The following GALNTL6 variants were observed in gnomAD, a reference collection of about 807,000 sequenced individuals.
GALNTL6 encodes polypeptide N-acetylgalactosaminyltransferase like 6.
A neutral mutation model predicts 73.7 loss-of-function variants in GALNTL6; 46 were observed. The observed-to-expected ratio is 0.62, with a 90% CI of 0.49 to 0.80. The LOEUF is 0.80. GALNTL6 is among the 30% of genes least tolerant of loss of function. The probability of loss-of-function intolerance (pLI) is 0.00; values close to 1 mark genes in which losing one functional copy is unlikely to be tolerated. For missense variants in GALNTL6, 604 were observed against 755.0 expected (o/e 0.80, Z 2.34); for synonymous variants, 259 against 263.7 (o/e 0.98, Z 0.17).
chr4:172,480,639 G>C (rs752457025), intron 5 of GALNTL6, among the ~76,000 whole-genome samples: 1 of 152,170 alleles, frequency 6.6e-6, no homozygotes, highest in Non-Finnish European at 1.5e-5. Context: ...CCAAAATCCA[G>C]TGGCTTAAAA....
At chr4:172,559,394 T>G (rs538084520) in intron 5 of GALNTL6, among the ~76,000 whole-genome samples, 1 of 152,266 alleles carries the variant, frequency 6.6e-6, no homozygotes, top group East Asian at 1.9e-4. Flanking sequence ...TAGAATTTTA[T>G]GGATGCCTCT....
At chr4:172,557,439 A>G (rs771427887) in intron 5 of GALNTL6, among the ~76,000 whole-genome samples, 39 of 152,292 alleles carry the variant, frequency 2.6e-4, no homozygotes, top group Admixed American at 1.2e-3. Context: ...AGAAGTTACC[A>G]TTAATAAAAT....
intron 5 of GALNTL6, among the ~76,000 whole-genome samples, chr4:172,727,129 A>C (rs1735862653): frequency 6.6e-6 from 1 of 152,196 alleles, no homozygotes; most frequent in African/African-American, 2.4e-5. Context: ...TTGATAGTAA[A>C]ATTCTTTTCT....
At chr4:172,845,644 A>G (rs962089744) in intron 7 of GALNTL6, among the ~76,000 whole-genome samples, 5 of 152,332 alleles carry the variant, frequency 3.3e-5, no homozygotes, top group East Asian at 1.9e-4. Flanking sequence ...AAGTCTCTAC[A>G]TTGCCTCTTA....
intron 2 of GALNTL6, among the ~76,000 whole-genome samples, chr4:171,995,001 A>C (rs1005377710): frequency 7.2e-5 from 11 of 152,048 alleles, no homozygotes; most frequent in African/African-American, 2.7e-4. Flanking sequence ...AGACATAAAA[A>C]TAAACTCTCT....
intron 7 of GALNTL6, among the ~76,000 whole-genome samples, chr4:172,855,345 A>G: frequency 6.6e-6 from 1 of 152,272 alleles, no homozygotes; most frequent in South Asian, 2.1e-4. Flanking sequence ...TTTTGATTGT[A>G]ATGGAAAGAT....
intron 5 of GALNTL6, among the ~76,000 whole-genome samples, chr4:172,522,996 A>C (rs1033607016): frequency 1.3e-5 from 2 of 152,086 alleles, no homozygotes; most frequent in African/African-American, 4.8e-5. Flanking sequence ...TAAGGTAACC[A>C]CTATCCTGAT....
intron 3 of GALNTL6, among the ~76,000 whole-genome samples, chr4:172,300,601 A>G (rs2111120443): frequency 6.6e-6 from 1 of 152,238 alleles, no homozygotes; most frequent in South Asian, 2.1e-4. Flanking sequence ...GCTTGTCTAT[A>G]AAGGATTTTA....
At chr4:172,425,490 A>G (rs1233594445) in intron 5 of GALNTL6, among the ~76,000 whole-genome samples, 1 of 152,096 alleles carries the variant, frequency 6.6e-6, no homozygotes, top group African/African-American at 2.4e-5. Flanking sequence ...ATCTTACCAA[A>G]GTACACACTG....
intron 5 of GALNTL6, among the ~76,000 whole-genome samples, chr4:172,448,898 A>G (rs1042458429): frequency 6.6e-5 from 10 of 152,182 alleles, no homozygotes; most frequent in African/African-American, 2.4e-4. Context: ...ACACTGGGAA[A>G]TCAGATCTCA....
At chr4:172,249,919 G>A (rs1579299359) in intron 3 of GALNTL6, among the ~76,000 whole-genome samples, 1 of 152,296 alleles carries the variant, frequency 6.6e-6, no homozygotes, top group East Asian at 1.9e-4. Context: ...ATGTAGGGTT[G>A]GAGCCCCCAC....
At chr4:172,666,002 G>A (rs1210562034) in intron 5 of GALNTL6, among the ~76,000 whole-genome samples, 1 of 151,690 alleles carries the variant, frequency 6.6e-6, no homozygotes, top group African/African-American at 2.4e-5. Flanking sequence ...TTGCTGATCT[G>A]GAATTTTTTA....
rs190179556 is a variant in GALNTL6, at chr4:172,749,717, A to G, written c.554-59644A>G. Among the ~76,000 whole-genome samples the G allele has an allele frequency of 1.1e-4, 17 of 151,884 alleles. No homozygotes were observed. In the East Asian group the frequency reaches 3.3e-3, roughly 29 times the overall value. ...AGGGTGATATCTAATTCCCAATTTC[A>G]TACTTGATAGCTTTACAGCTCTTAA... is the stretch of plus-strand genomic sequence containing the variant. On this transcript the variant is annotated intron_variant, in intron 5 of 12. Coordinates refer to ENST00000506823, the MANE Select transcript of GALNTL6 (RefSeq NM_001034845.3).
chr4:173,015,449 G>C (rs1049440526), intron 11 of GALNTL6, among the ~76,000 whole-genome samples: 1 of 152,216 alleles, frequency 6.6e-6, no homozygotes, highest in Non-Finnish European at 1.5e-5. Context: ...GAACTTCCTA[G>C]AGACTTGTTA....
chr4:172,694,845 T>C (rs1233512204), intron 5 of GALNTL6, among the ~76,000 whole-genome samples: 1 of 152,178 alleles, frequency 6.6e-6, no homozygotes, highest in Admixed American at 6.6e-5. Flanking sequence ...TTTTAAAAAC[T>C]AAACAAATAT....
intron 8 of GALNTL6, among the ~76,000 whole-genome samples, chr4:172,925,727 C>A (rs1198493894): frequency 1.3e-5 from 2 of 152,192 alleles, no homozygotes; most frequent in African/African-American, 2.4e-5. Flanking sequence ...TCCCCTGAGG[C>A]TCCAGGTAAG....
intron 5 of GALNTL6, among the ~76,000 whole-genome samples, chr4:172,480,241 A>G (rs1401819227): frequency 1.3e-5 from 2 of 151,914 alleles, no homozygotes; most frequent in African/African-American, 4.8e-5. Context: ...TCAGCCTAGG[A>G]GTTCGAGGTT....
chr4:172,560,996 G>A (rs1295825628), intron 5 of GALNTL6, among the ~76,000 whole-genome samples: 2 of 152,006 alleles, frequency 1.3e-5, no homozygotes, highest in African/African-American at 4.8e-5. Flanking sequence ...GCTCACGCCT[G>A]TAATCCCAGC....
chr4:172,643,254 A>T (rs1740072842), intron 5 of GALNTL6, among the ~76,000 whole-genome samples: 1 of 151,980 alleles, frequency 6.6e-6, no homozygotes, highest in Non-Finnish European at 1.5e-5. Flanking sequence ...CTTCAAAATG[A>T]TCACATAAAT....
Sources: gnomAD v4.1 joint callset for allele counts (sites outside exome capture counted in the v4.1 genomes callset) on GRCh38, gnomAD v4.1.1 for gene constraint, MANE v1.5 for transcripts, NCBI Gene and HGNC (gene_info 2026-07-23, HGNC 2026-07-21) for gene names.